The following ZMAT4 variants were observed in gnomAD, a reference collection of about 807,000 sequenced individuals.
ZMAT4 encodes zinc finger matrin-type protein 4.
ZMAT4 carries 17 observed loss-of-function variants against 28.7 expected under a neutral mutation model. That is an observed-to-expected ratio of 0.59 (90% confidence interval 0.41 to 0.89). The LOEUF (loss-of-function observed/expected upper bound fraction) is 0.89, where lower values mean the gene tolerates loss of function less well. Ranked by LOEUF, ZMAT4 falls within the 40% of genes least tolerant of loss-of-function variation. ZMAT4 has a pLI of 0.00. For synonymous variants in ZMAT4, 117 were observed against 109.2 expected (o/e 1.07, Z -0.44); for missense variants, 240 against 283.8 (o/e 0.85, Z 1.11).
In ZMAT4 at chr8:40,600,097, G is replaced by A. The variant is rs1805247767; in HGVS notation, c.578-18836C>T. ...TTTCTATCTAACCCCACATGCAAGA[G>A]CGCTGCTCCCTGTGCTGCTCACTAA... On this transcript the variant is annotated intron_variant, in intron 5 of 6. Transcript: ENST00000297737. Among the ~76,000 whole-genome samples, 3 of 152,244 alleles carry A rather than the reference G, an allele frequency of 2.0e-5. 1 individual carries two copies. The South Asian group carries it at 6.2e-4, about 32-fold the overall frequency.
At chr8:40,867,322 C>T (rs2150650657) in intron 1 of ZMAT4, among the ~76,000 whole-genome samples, 1 of 143,492 alleles carries the variant, frequency 7.0e-6, no homozygotes, top group East Asian at 2.0e-4. Context: ...CATTCTAAGC[C>T]ATCTGGGCCA....
chr8:40,800,302 C>G (rs1306949113), intron 2 of ZMAT4, among the ~76,000 whole-genome samples: 1 of 152,162 alleles, frequency 6.6e-6, no homozygotes, highest in Non-Finnish European at 1.5e-5. Context: ...TGCTTGGGCA[C>G]TTCACCACAT....
chr8:40,815,729 C>T (rs17561583), intron 2 of ZMAT4, among the ~76,000 whole-genome samples: 15,632 of 152,264 alleles, frequency 0.1, 979 homozygotes, highest in South Asian at 0.15. Flanking sequence ...ACACAGGCTC[C>T]AAGTTCCAAC....
At chr8:40,650,921 G>T (rs1407322866) in intron 5 of ZMAT4, among the ~76,000 whole-genome samples, 2 of 151,754 alleles carry the variant, frequency 1.3e-5, no homozygotes, top group African/African-American at 4.8e-5. Flanking sequence ...TTGATGGGAC[G>T]TATCTCAAAA....
At chr8:40,621,078 T>C (rs770294222) in intron 5 of ZMAT4, among the ~76,000 whole-genome samples, 16 of 152,228 alleles carry the variant, frequency 1.1e-4, no homozygotes, top group Non-Finnish European at 2.1e-4. Flanking sequence ...TCTCTGCCCT[T>C]CTAGCCTAAC....
intron 5 of ZMAT4, among the ~76,000 whole-genome samples, chr8:40,662,473 A>C (rs987323998): frequency 2.0e-5 from 3 of 152,184 alleles, no homozygotes; most frequent in African/African-American, 7.2e-5. Flanking sequence ...ACAGTGCATA[A>C]ATGGATGCAG....
At chr8:40,697,182 T>C in intron 4 of ZMAT4, 63 bp downstream of exon 4, 1 of 1,469,734 alleles carries the variant, frequency 6.8e-7, no homozygotes, top group Non-Finnish European at 9.1e-7. Flanking sequence ...AGGAGCATGA[T>C]CTGCAAGACA....
In ZMAT4 at chr8:40,722,366, C is replaced by G. The variant is rs148515467; in HGVS notation, c.193-24965G>C. On this transcript the variant is annotated intron_variant, in intron 3 of 6. Transcript: ENST00000297737. Reference sequence around the variant, plus strand: ...AGCTTTGTCTTAAAGCCAGGCCATGCGACTGTAATTTAGAGCTATTAGCCA... The same window carrying G: ...AGCTTTGTCTTAAAGCCAGGCCATGGGACTGTAATTTAGAGCTATTAGCCA... Among the ~76,000 whole-genome samples the G allele has an allele frequency of 3.5e-3, 537 of 152,214 alleles. 5 individuals carry two copies. Among genetic ancestry groups the G allele is most frequent in the African/African-American group, 0.012 (505 of 41,530 alleles).
At chr8:40,722,683 A>G (rs1811152021) in intron 3 of ZMAT4, among the ~76,000 whole-genome samples, 1 of 152,222 alleles carries the variant, frequency 6.6e-6, no homozygotes, top group Non-Finnish European at 1.5e-5. Context: ...AAAAAGCTGC[A>G]CATACACCAC....
intron 3 of ZMAT4, among the ~76,000 whole-genome samples, chr8:40,726,728 T>C (rs1279646482): frequency 6.6e-6 from 1 of 152,228 alleles, no homozygotes; most frequent in South Asian, 2.1e-4. Flanking sequence ...ACTTATGTAG[T>C]CTCAGTGGCT....
intron 2 of ZMAT4, among the ~76,000 whole-genome samples, chr8:40,798,135 T>G (rs1814673528): frequency 6.6e-6 from 1 of 152,118 alleles, no homozygotes; most frequent in African/African-American, 2.4e-5. Context: ...GCGGTCAGGC[T>G]CCTCACTGGC....
At position 40,742,915 on chromosome 8, in the gene ZMAT4, C is replaced by T. The variant is rs191631132; in HGVS notation, c.192+24726G>A. Among the ~76,000 whole-genome samples the T allele has an allele frequency of 2.2e-3, 338 of 152,102 alleles. 3 individuals carry two copies. The highest frequency in any genetic ancestry group is 3.2e-3 in the Admixed American group (49 of 15,284). On this transcript the variant is annotated intron_variant, in intron 3 of 6. Coordinates refer to ENST00000297737, the MANE Select transcript of ZMAT4 (RefSeq NM_024645.3). ...GAAAATTTGGAAAAGGTTGTGAAAG[C>T]TTAAAAAAGACATTGTCCCAGCACG...
At chr8:40,670,023 C>T (rs1045741630) in intron 5 of ZMAT4, among the ~76,000 whole-genome samples, 30 of 152,154 alleles carry the variant, frequency 2.0e-4, no homozygotes, top group African/African-American at 7.0e-4. Context: ...ATTCAACATT[C>T]CAACAAAGCT....
intron 5 of ZMAT4, among the ~76,000 whole-genome samples, chr8:40,647,757 G>T (rs547908422): frequency 3.9e-5 from 6 of 152,224 alleles, no homozygotes; most frequent in African/African-American, 1.4e-4. Flanking sequence ...TCCTCAAGTG[G>T]GACCCTGACC....
At chr8:40,582,894 T>G (rs7016856) in intron 5 of ZMAT4, among the ~76,000 whole-genome samples, 20,088 of 152,184 alleles carry the variant, frequency 0.13, 1,932 homozygotes, top group African/African-American at 0.27. Flanking sequence ...GAAGCCCTAC[T>G]GGGAAGTCCT....
intron 2 of ZMAT4, among the ~76,000 whole-genome samples, chr8:40,810,111 T>C (rs1367230277): frequency 2.6e-5 from 4 of 152,056 alleles, no homozygotes; most frequent in Admixed American, 2.6e-4. Flanking sequence ...CACACATACA[T>C]ATATATGTGT....
chr8:40,741,936 T>C (rs1395896620), intron 3 of ZMAT4, among the ~76,000 whole-genome samples: 1 of 152,086 alleles, frequency 6.6e-6, no homozygotes, highest in Non-Finnish European at 1.5e-5. Context: ...CTAAACTATT[T>C]TAGTATATAA....
chr8:40,698,905 G>A (rs1810008262), intron 3 of ZMAT4, among the ~76,000 whole-genome samples: 1 of 152,002 alleles, frequency 6.6e-6, no homozygotes, highest in Non-Finnish European at 1.5e-5. Context: ...TTTCCCAATA[G>A]GTCCTCTCCT....
chr8:40,859,415 C>G (rs1270354454), intron 1 of ZMAT4, among the ~76,000 whole-genome samples: 1 of 152,068 alleles, frequency 6.6e-6, no homozygotes, highest in South Asian at 2.1e-4. Flanking sequence ...ATCTTCAATC[C>G]CTCAAAATCC....
Sources: gnomAD v4.1 joint callset for allele counts (sites outside exome capture counted in the v4.1 genomes callset) on GRCh38, gnomAD v4.1.1 for gene constraint, MANE v1.5 for transcripts, NCBI Gene and HGNC (gene_info 2026-07-23, HGNC 2026-07-21) for gene names.